The following CELF2 variants were observed in gnomAD, a reference collection of about 807,000 sequenced individuals.
The protein encoded by CELF2 is CUGBP Elav-like family member 2, also known as CUG triplet repeat RNA-binding protein 2.
CELF2 carries 8 observed loss-of-function variants against 62.6 expected under a neutral mutation model. The observed-to-expected ratio is 0.13, with a 90% confidence interval of 0.07 to 0.23. The LOEUF (loss-of-function observed/expected upper bound fraction) is 0.23. CELF2 is among the 10% of genes least tolerant of loss of function. CELF2 has a pLI of 1.00. For missense variants in CELF2, 333 were observed against 671.0 expected, an observed-to-expected ratio of 0.50 and a Z score of 5.56; for synonymous variants, 258 against 250.0, an observed-to-expected ratio of 1.03 and a Z score of -0.30.
chr10:10,971,525 C>G (rs1449627259), intron 2 of CELF2, among the ~76,000 whole-genome samples: 2 of 152,138 alleles, frequency 1.3e-5, no homozygotes, highest in African/African-American at 4.8e-5. Context: ...CCTTTCAAAC[C>G]CAAGTTTCTG....
Position 11,069,480 on chromosome 10 carries a change from T to A in CELF2, c.74+51317T>A, listed in dbSNP as rs1291860. On this transcript the variant is annotated intron_variant, in intron 1 of 12. Coordinates refer to ENST00000633077, the MANE Select transcript of CELF2 (RefSeq NM_001326342.2). Reference sequence around the variant, plus strand: ...GGATGAAAAGGAAATACGGTATTCATATCCAGTTAGTCATTCAGTAGGGAG... The same window carrying A: ...GGATGAAAAGGAAATACGGTATTCAAATCCAGTTAGTCATTCAGTAGGGAG... Among the ~76,000 whole-genome samples, 8 of 152,258 alleles carry A rather than the reference T, an allele frequency of 5.3e-5. No individual in the cohort carries two copies. In the East Asian group the frequency reaches 1.5e-3, roughly 29 times the overall value.
chr10:10,905,627 C>A (rs538702816), intron 1 of CELF2, among the ~76,000 whole-genome samples: 5 of 151,894 alleles, frequency 3.3e-5, no homozygotes, highest in South Asian at 2.1e-4. Flanking sequence ...GCCTGTAATC[C>A]CAGCACTTTG....
intron 1 of CELF2, among the ~76,000 whole-genome samples, chr10:10,875,509 A>C (rs1016808005): frequency 1.3e-5 from 2 of 152,180 alleles, no homozygotes; most frequent in African/African-American, 4.8e-5. Flanking sequence ...TCCCTAGGAA[A>C]GTGATGCGAA....
chr10:10,936,077 G>A lies in CELF2; in HGVS notation c.89+16078G>A, dbSNP rs376895609. 6.6e-5 allele frequency among the ~76,000 whole-genome samples: 10 copies of A among 151,834 alleles called. No homozygotes were observed. Among genetic ancestry groups the A allele is most frequent in the Non-Finnish European group, 1.0e-4 (7 of 67,990 alleles). On this transcript the variant is annotated intron_variant, in intron 2 of 13. Transcript: ENST00000636488. This position sits in a 1 kb window ranked among gnomAD's most constrained non-coding sequence, Gnocchi z 4.0. ...CTCATGAGGCTGAAGCAAGAGAATC[G>A]CTTAAACCCTGGAGGCAGAGGTTGC...
chr10:11,298,304 A>T (rs1476218554), intron 9 of CELF2, among the ~76,000 whole-genome samples: 1 of 152,198 alleles, frequency 6.6e-6, no homozygotes, highest in Non-Finnish European at 1.5e-5. Context: ...TGCCATCTCG[A>T]CCTGGTACTA....
intron 1 of CELF2, 45 bp downstream of exon 1, chr10:11,018,208 T>C (rs1268237858): frequency 6.8e-7 from 1 of 1,468,984 alleles, no homozygotes; most frequent in South Asian, 1.2e-5. Context: ...GGCGTCCTCC[T>C]CCCAGAGTCG....
the CELF2 span, among the ~76,000 whole-genome samples, chr10:10,744,048 T>A: frequency 9.7e-4 from 148 of 152,146 alleles, 2 homozygotes; most frequent in Non-Finnish European, 4.7e-4. Flanking sequence ...TTGAGCTAAT[T>A]TTTTCCTCCA....
At chr10:10,593,550 G>A in the CELF2 span, among the ~76,000 whole-genome samples, 1 of 152,204 alleles carries the variant, frequency 6.6e-6, no homozygotes, top group Non-Finnish European at 1.5e-5. Flanking sequence ...CACTTAATAT[G>A]AGAGAAGACC....
the CELF2 span, among the ~76,000 whole-genome samples, chr10:10,770,681 C>A: frequency 6.6e-6 from 1 of 151,968 alleles, no homozygotes; most frequent in Non-Finnish European, 1.5e-5. Flanking sequence ...CACCCCAGGC[C>A]CCATTTAGTA....
intron 1 of CELF2, among the ~76,000 whole-genome samples, chr10:11,065,244 G>T (rs1272388282): frequency 6.6e-6 from 1 of 152,150 alleles, no homozygotes; most frequent in Non-Finnish European, 1.5e-5. Context: ...ATCAATATCT[G>T]TCCTAGAAAT....
the CELF2 span, among the ~76,000 whole-genome samples, chr10:10,519,419 G>GGCAT: frequency 3.9e-5 from 6 of 152,090 alleles, no homozygotes; most frequent in Non-Finnish European, 8.8e-5. Flanking sequence ...TTTTTGTGAT[G>GGCAT]GCATGGAAGA....
intron 12 of CELF2, among the ~76,000 whole-genome samples, chr10:11,327,178 CAAATTA>C (rs2095790814): frequency 4.1e-5 from 4 of 98,384 alleles, no homozygotes; most frequent in Non-Finnish European, 7.4e-5. Flanking sequence ...GAGGGATATG[CAAATTA>C]AATCATTATG....
chr10:10,708,288 C>G, the CELF2 span, among the ~76,000 whole-genome samples: 2 of 152,184 alleles, frequency 1.3e-5, no homozygotes, highest in East Asian at 3.9e-4. Flanking sequence ...ATGCTACCCT[C>G]TGGCTTTACA....
intron 1 of CELF2, among the ~76,000 whole-genome samples, chr10:10,857,473 C>G (rs1304719795): frequency 2.6e-5 from 4 of 151,346 alleles, no homozygotes; most frequent in African/African-American, 7.3e-5. Context: ...CTCAGGCTGC[C>G]CCACAAGTAA....
At chr10:10,518,884 G>T in the CELF2 span, among the ~76,000 whole-genome samples, 1 of 152,218 alleles carries the variant, frequency 6.6e-6, no homozygotes. Context: ...ACAGCACATT[G>T]CTGGGAGCTG....
chr10:10,822,841 G>T (rs1387621467), intron 1 of CELF2, among the ~76,000 whole-genome samples: 1 of 152,178 alleles, frequency 6.6e-6, no homozygotes, highest in East Asian at 1.9e-4. Flanking sequence ...TATATTTCTT[G>T]TCTTGCTTGG....
the CELF2 span, among the ~76,000 whole-genome samples, chr10:10,768,080 G>A: frequency 6.8e-6 from 1 of 147,120 alleles, no homozygotes; most frequent in East Asian, 2.1e-4. Context: ...GCAGGAGAAT[G>A]GCGTGAACCC....
intron 2 of CELF2, chr10:10,924,147 T>TG (rs1018705250): frequency 2.0e-5 from 3 of 151,516 alleles, no homozygotes; most frequent in African/African-American, 7.3e-5. Flanking sequence ...CCGGGCGTGG[T>TG]GGCGGGCGCC....
At chr10:10,755,516 T>G in the CELF2 span, among the ~76,000 whole-genome samples, 3,191 of 152,318 alleles carry the variant, frequency 0.021, 111 homozygotes, top group African/African-American at 0.072. Context: ...TCTGCTCTCC[T>G]GCGTCTGCTG....
Sources: gnomAD v4.1 joint callset for allele counts (sites outside exome capture counted in the v4.1 genomes callset) on GRCh38, gnomAD v4.1.1 for gene constraint, Gnocchi (gnomAD v3.1) non-coding constraint, MANE v1.5 for transcripts, NCBI Gene and HGNC (gene_info 2026-07-23, HGNC 2026-07-21) for gene names.